PLCH2: variants seen among roughly 807,000 people sequenced by gnomAD.
PLCH2 encodes the protein 1-phosphatidylinositol 4,5-bisphosphate phosphodiesterase eta-2.
In PLCH2, 98 loss-of-function variants were observed where a neutral mutation model predicts 134.7. The ratio of observed to expected loss-of-function variants is 0.73; its 90% confidence interval spans 0.62 to 0.86. PLCH2 has a LOEUF of 0.86. Ranked by LOEUF, PLCH2 falls within the 40% of genes least tolerant of loss-of-function variation. The pLI is 0.00. For missense variants in PLCH2, 1,994 were observed against 1,986.6 expected, an observed-to-expected ratio of 1.00 and a Z score of -0.07; for synonymous variants, 974 against 827.5, an observed-to-expected ratio of 1.18 and a Z score of -3.04.
In PLCH2 at chr1:2,495,801, C is replaced by T. The variant is rs562316464; in HGVS notation, c.1835+231C>T. Among the ~76,000 whole-genome samples, 466 of 152,204 alleles carry T rather than the reference C, an allele frequency of 3.1e-3. 5 individuals are homozygous for T. Among genetic ancestry groups the T allele is most frequent in the Non-Finnish European group, 4.9e-3 (336 of 67,974 alleles). ...GCAGGTGGCTGGAGGGCCCAGGTCC[C>T]CACAGCCCTGGATGCTGCCGGGCTG... On this transcript the variant is annotated intron_variant, in intron 13 of 21. Coordinates refer to ENST00000378486, the MANE Select transcript of PLCH2 (RefSeq NM_014638.4).
At chr1:2,472,561 C>CT (rs1428854077), upstream of PLCH2, among the ~76,000 whole-genome samples, 1 of 152,178 alleles carries the variant, frequency 6.6e-6, no homozygotes, top group Non-Finnish European at 1.5e-5. Flanking sequence ...CTCAGGGACT[C>CT]TTGGTGGCCC....
In PLCH2 at chr1:2,504,384, A is replaced by G. The variant is rs762292458; in HGVS notation, c.3422A>G (p.Asp1141Gly). 1 of 1,612,106 alleles carries G rather than the reference A, an allele frequency of 6.2e-7. No homozygotes were observed. Among genetic ancestry groups the G allele is most frequent in the South Asian group, 1.1e-5 (1 of 91,090 alleles). Reference sequence around the variant, plus strand: ...CGGCTGGAGCCATGTGGCCACCGAGACAGCGTTTCCTCCTCCTCCAGCATG... The same window carrying G: ...CGGCTGGAGCCATGTGGCCACCGAGGCAGCGTTTCCTCCTCCTCCAGCATG... ...WQRLEPCGHR[D>G]SVSSSSSMSS... is the part of the protein sequence containing the mutation. The change falls in exon 22 of 22, where the codon GAC becomes GGC. Residue 1141 changes from aspartate (D) to glycine (G), a missense_variant. This residue lies in a region of PLCH2 where 900 missense variants were observed against 752.3 expected (regional missense o/e 1.20). Transcript: ENST00000378486.
At position 2,461,280 on chromosome 1, in the gene PLCH2, G is replaced by T. The variant is rs142947126; in HGVS notation, c.116-17196G>T. 5.8e-3 allele frequency among the ~76,000 whole-genome samples: 880 copies of T among 152,314 alleles called. 7 individuals are homozygous for T. The highest frequency in any genetic ancestry group is 0.014 in the Middle Eastern group (4 of 294). ...TGCCTGCTCCCTCAGCGTCCAGTGG[G>T]GCTCTGCAGCCCGGGGCTGGACACC... On this transcript the variant is annotated intron_variant, in intron 2 of 3. Transcript: ENST00000609981.
intron 2 of PLCH2, among the ~76,000 whole-genome samples, chr1:2,443,281 A>T (rs1483228333): frequency 6.6e-6 from 1 of 152,084 alleles, no homozygotes; most frequent in East Asian, 1.9e-4. Flanking sequence ...TAGTTGGGGG[A>T]GGGGTGGCCC....
chr1:2,499,154 C>T lies in PLCH2; in HGVS notation c.2505C>T (p.Phe835=). Residue 835 remains phenylalanine, a synonymous_variant, in exon 19 of 22, where the codon TTC becomes TTT. Transcript: ENST00000378486. Reference sequence around the variant, plus strand: ...TGCCGGAGATCGCGCTGGTCCGCTTCCTCGTCTGGGACCACGATCCCATCG... The same window carrying T: ...TGCCGGAGATCGCGCTGGTCCGCTTTCTCGTCTGGGACCACGATCCCATCG... ...VHMPEIALVR[F]LVWDHDPIGR... 6.2e-7 allele frequency: 1 copy of T among 1,613,200 alleles called. No homozygotes were observed. The highest frequency in any genetic ancestry group is 8.5e-7 in the Non-Finnish European group (1 of 1,179,792).
rs534006473 is a variant in PLCH2 at position 2,443,550 on chromosome 1, G to T, written c.115+12921G>T. ...AGCGGAAGGCCGCAGGAGCATCTTTGCGGAGAAAGTACTTTGGCTGCGGCG... is the reference window on the plus strand; with the variant it reads ...AGCGGAAGGCCGCAGGAGCATCTTTTCGGAGAAAGTACTTTGGCTGCGGCG... On this transcript the variant is annotated intron_variant, in intron 2 of 3. Transcript: ENST00000609981. Among the ~76,000 whole-genome samples the T allele has an allele frequency of 9.2e-5, 14 of 152,158 alleles. 2 individuals are homozygous for T. In the South Asian group the frequency reaches 2.7e-3, roughly 29 times the overall value.
upstream of PLCH2, among the ~76,000 whole-genome samples, chr1:2,471,530 C>G (rs1438252843): frequency 6.6e-6 from 1 of 152,246 alleles, no homozygotes. Flanking sequence ...TCCCTCCACA[C>G]CGGGTGGCCG....
intron 5 of PLCH2, among the ~76,000 whole-genome samples, chr1:2,485,625 C>G (rs1642244197): frequency 6.6e-6 from 1 of 151,610 alleles, no homozygotes; most frequent in Admixed American, 6.6e-5. Flanking sequence ...GACCTCCACT[C>G]TACTGGCCTC....
upstream of PLCH2, among the ~76,000 whole-genome samples, chr1:2,475,712 G>C (rs1641577836): frequency 6.6e-6 from 1 of 152,214 alleles, no homozygotes; most frequent in South Asian, 2.1e-4. Flanking sequence ...ACAGCTCGGT[G>C]ACCGTGGAGA....
intron 2 of PLCH2, among the ~76,000 whole-genome samples, chr1:2,438,368 G>C (rs1639532775): frequency 6.6e-6 from 1 of 152,186 alleles, no homozygotes; most frequent in Non-Finnish European, 1.5e-5. Context: ...CACCCCTGGG[G>C]CATGACTGTG....
chr1:2,476,262 T>C (rs932781820), upstream of PLCH2: 3 of 249,640 alleles, frequency 1.2e-5, no homozygotes, highest in Non-Finnish European at 2.3e-5. Context: ...AGCACAGGGA[T>C]TGGGCCTGGG....
At chr1:2,443,705 G>T (rs1215650906) in intron 2 of PLCH2, among the ~76,000 whole-genome samples, 1 of 148,216 alleles carries the variant, frequency 6.7e-6, no homozygotes. Flanking sequence ...CCCGGCGCGG[G>T]GCGGGCAGGG....
rs115020416 is a variant in PLCH2, at chr1:2,460,098, C to T, written c.116-18378C>T. ...CCCTGCCCAGGCCCTTTCTGCCCTC[C>T]GGTTCCTCCCCTTGCTGCTCTAGCC... On this transcript the variant is annotated intron_variant, in intron 2 of 3. Coordinates refer to the PLCH2 transcript ENST00000609981. 5.3e-3 allele frequency among the ~76,000 whole-genome samples: 815 copies of T among 152,392 alleles called. 14 individuals carry two copies. The highest frequency in any genetic ancestry group is 0.019 in the African/African-American group (772 of 41,600).
Position 2,499,150 on chromosome 1 carries a change from G to A in PLCH2, c.2501G>A (p.Arg834His), listed in dbSNP as rs780172563. ...CACATGCCGGAGATCGCGCTGGTCC[G>A]CTTCCTCGTCTGGGACCACGATCCC... ...MVHMPEIALV[R>H]FLVWDHDPIG... The change falls in exon 19 of 22, where the codon CGC becomes CAC. Residue 834 changes from arginine (R) to histidine (H), a missense_variant. Transcript: ENST00000378486. 6.8e-6 allele frequency: 11 copies of A among 1,612,950 alleles called. No homozygotes were observed. The highest frequency in any genetic ancestry group is 9.3e-6 in the Non-Finnish European group (11 of 1,179,750).
upstream of PLCH2, chr1:2,467,448 C>T (rs1641111574): frequency 7.4e-6 from 1 of 135,676 alleles, no homozygotes; most frequent in Non-Finnish European, 1.1e-5. Context: ...CCTCGCCTTC[C>T]TCACCTTCCT....
the PLCH2 span, among the ~76,000 whole-genome samples, chr1:2,418,471 CG>C: frequency 1.3e-5 from 2 of 152,212 alleles, no homozygotes; most frequent in African/African-American, 4.8e-5. Flanking sequence ...GGAGGGGCCC[CG>C]GGGCCATGGC....
chr1:2,416,647 G>A, the PLCH2 span, among the ~76,000 whole-genome samples: 1 of 152,250 alleles, frequency 6.6e-6, no homozygotes, highest in Admixed American at 6.5e-5. Context: ...GATGGGGAGG[G>A]CGGGGCCCGG....
At chr1:2,424,873 T>C (rs566382250), upstream of PLCH2, among the ~76,000 whole-genome samples, 18 of 151,870 alleles carry the variant, frequency 1.2e-4, no homozygotes, top group South Asian at 6.3e-4. Flanking sequence ...GTAGTCCCAG[T>C]TACTCGGGAG....
At position 2,504,055 on chromosome 1, in the gene PLCH2, C is replaced by G; in HGVS notation, c.3093C>G (p.Pro1031=). Reference sequence around the variant, plus strand: ...CCACCAGCTCTTCTCAGGGACGGCCCCCATACCCCACAGGACCCGGAGCCA... The same window carrying G: ...CCACCAGCTCTTCTCAGGGACGGCCGCCATACCCCACAGGACCCGGAGCCA... ...AVPTSSSQGR[P]PYPTGPGANV... is the part of the protein sequence containing the mutation. Residue 1031 remains proline, a synonymous_variant, in exon 22 of 22, where the codon CCC becomes CCG. Transcript: ENST00000378486. The G allele has an allele frequency of 1.3e-6, 2 of 1,548,294 alleles. No individual in the cohort carries two copies. Among genetic ancestry groups the G allele is most frequent in the Non-Finnish European group, 1.7e-6 (2 of 1,146,024 alleles).
Sources: gnomAD v4.1 joint callset for allele counts (sites outside exome capture counted in the v4.1 genomes callset) on GRCh38, gnomAD v4.1.1 for gene constraint, gnomAD v4.1.1 regional missense constraint, MANE v1.5 for transcripts, NCBI Gene and HGNC (gene_info 2026-07-23, HGNC 2026-07-21) for gene names.